The following TRIP12 variants were observed in gnomAD, a reference collection of about 807,000 sequenced individuals.
TRIP12 encodes E3 ubiquitin-protein ligase TRIP12.
Under a neutral mutation model 244.2 loss-of-function variants are expected in TRIP12, and 25 were observed. The observed-to-expected ratio is 0.10, with a 90% confidence interval of 0.07 to 0.14. The LOEUF (loss-of-function observed/expected upper bound fraction) is 0.14. TRIP12 is among the 10% of genes least tolerant of loss of function. The pLI is 1.00. For missense variants in TRIP12, 1,677 were observed against 2,486.4 expected (o/e 0.67, Z 6.92); for synonymous variants, 905 against 873.1 (o/e 1.04, Z -0.64).
At chr2:229,815,374 C>G in intron 9 of TRIP12, 66 bp from the exon 10 acceptor site, 1 of 943,678 alleles carries the variant, frequency 1.1e-6, no homozygotes, top group Non-Finnish European at 1.6e-6. Context: ...GTATTTCTTC[C>G]TCTTCTATTT....
intron 4 of TRIP12, 91 bp downstream of exon 4, chr2:229,858,681 G>T: frequency 8.7e-7 from 1 of 1,153,488 alleles, no homozygotes; most frequent in Non-Finnish European, 1.2e-6. Flanking sequence ...AGACTGGGGG[G>T]AAAAAACCCT....
intron 32 of TRIP12, among the ~76,000 whole-genome samples, chr2:229,788,301 C>T (rs1451986118): frequency 6.6e-6 from 1 of 152,040 alleles, no homozygotes; most frequent in Admixed American, 6.5e-5. Context: ...AAAATATGAC[C>T]ACCACCTTCA....
intron 21 of TRIP12, among the ~76,000 whole-genome samples, chr2:229,800,935 G>C (rs2044151423): frequency 6.6e-6 from 1 of 152,130 alleles, no homozygotes; most frequent in Non-Finnish European, 1.5e-5. Flanking sequence ...AAAAAAGGGA[G>C]AAAGGAAAAC....
intron 8 of TRIP12, among the ~76,000 whole-genome samples, chr2:229,824,009 CAT>C (rs1373450222): frequency 6.6e-6 from 1 of 151,910 alleles, no homozygotes; most frequent in Non-Finnish European, 1.5e-5. Context: ...TGTTGGCAAA[CAT>C]AAAAGAAAAC....
rs541132181 is a variant in TRIP12, at chr2:229,857,794, T to C, written c.1027+978A>G. Among the ~76,000 whole-genome samples the C allele has an allele frequency of 7.2e-5, 11 of 152,354 alleles. No homozygotes were observed. The South Asian group carries it at 2.3e-3, about 32-fold the overall frequency. ...TGAAGGAATGCACATAACGCTATGT[T>C]TCTTCCATCTACTTTCTGTTTCTTT... On this transcript the variant is annotated intron_variant, in intron 4 of 41. Transcript: ENST00000675903.
chr2:229,797,034 AG>A (rs1370528239), intron 24 of TRIP12, among the ~76,000 whole-genome samples: 1 of 152,176 alleles, frequency 6.6e-6, no homozygotes, highest in Non-Finnish European at 1.5e-5. Context: ...CAACCAATGT[AG>A]TTTTCTTTAA....
rs187805171 is a variant in TRIP12 at position 229,851,316 on chromosome 2, G to A, written c.1027+7456C>T. On this transcript the variant is annotated intron_variant, in intron 4 of 41. Transcript: ENST00000675903. ...CTCAGGGTTTGTGAATGCACCAATC[G>A]ACACTCTCTAGCTACTCTGGTGGAG... Among the ~76,000 whole-genome samples the A allele has an allele frequency of 1.1e-4, 17 of 152,100 alleles. No homozygotes were observed. The East Asian group carries it at 2.5e-3, about 22-fold the overall frequency.
At chr2:229,772,494 C>T (rs1289808294) in intron 38 of TRIP12, among the ~76,000 whole-genome samples, 2 of 152,208 alleles carry the variant, frequency 1.3e-5, no homozygotes, top group South Asian at 2.1e-4. Flanking sequence ...GACAGAGTCT[C>T]GCTCTGTCGC....
rs1298864132 is a variant in TRIP12 at position 229,798,906 on chromosome 2, C to T, written c.3451G>A (p.Ala1151Thr). The T allele has an allele frequency of 1.9e-6, 3 of 1,614,052 alleles. No individual in the cohort carries two copies. The highest frequency in any genetic ancestry group is 2.5e-6 in the Non-Finnish European group (3 of 1,180,028). Reference sequence around the variant, plus strand: ...TTGGAGATGGTATCCTTTGAGGCAGCCCTGGCAAGGCCACTACCTCCCGCA... The same window carrying T: ...TTGGAGATGGTATCCTTTGAGGCAGTCCTGGCAAGGCCACTACCTCCCGCA... Reference protein sequence around the residue: ...RTAGGSGLARAASKDTISNNR... With the variant: ...RTAGGSGLARTASKDTISNNR... The change falls in exon 23 of 42, where the codon GCT becomes ACT. Residue 1151 changes from alanine to threonine, a missense_variant. Transcript: ENST00000675903.
intron 37 of TRIP12, among the ~76,000 whole-genome samples, chr2:229,777,104 A>T (rs2036505520): frequency 6.6e-6 from 1 of 152,186 alleles, no homozygotes; most frequent in Non-Finnish European, 1.5e-5. Context: ...TTAGAATTGT[A>T]TTTGCTAATC....
At chr2:229,814,424 A>C (rs898000864) in intron 11 of TRIP12, 99 bp from the exon 12 acceptor site, 10 of 1,125,010 alleles carry the variant, frequency 8.9e-6, no homozygotes, top group Non-Finnish European at 1.2e-5. Flanking sequence ...CATGTATACT[A>C]TCTCTAACAT....
At chr2:229,850,865 G>C (rs984026620) in intron 4 of TRIP12, among the ~76,000 whole-genome samples, 1 of 152,254 alleles carries the variant, frequency 6.6e-6, no homozygotes, top group Admixed American at 6.5e-5. Flanking sequence ...ACCCGGGCCA[G>C]CGGCTGCGGA....
intron 2 of TRIP12, among the ~76,000 whole-genome samples, chr2:229,867,290 T>C (rs917186677): frequency 2.0e-5 from 3 of 151,396 alleles, no homozygotes; most frequent in Non-Finnish European, 4.4e-5. Flanking sequence ...CTCAGCCACC[T>C]GAGTAGCTAG....
intron 8 of TRIP12, among the ~76,000 whole-genome samples, chr2:229,819,261 G>A (rs2049345755): frequency 6.6e-6 from 1 of 152,100 alleles, no homozygotes; most frequent in South Asian, 2.1e-4. Context: ...AAAGTCTAGA[G>A]AGGCTGGGTG....
At chr2:229,772,589 G>A (rs750048882) in intron 38 of TRIP12, among the ~76,000 whole-genome samples, 4 of 151,834 alleles carry the variant, frequency 2.6e-5, no homozygotes, top group East Asian at 1.9e-4. Context: ...TCAGCCTCCC[G>A]AGTAGCTGGG....
Position 229,803,476 on chromosome 2 carries a change from A to C in TRIP12, c.2998+95T>G, listed in dbSNP as rs934708639. ...ACAGAGCTTTAAATGTCATTTTTAA[A>C]TTGAAAAGCTATCAGTTTTTGCTCG... On this transcript the variant is annotated intron_variant, in intron 20 of 41. Coordinates refer to ENST00000675903, the MANE Select transcript of TRIP12 (RefSeq NM_001348323.3). 3.9e-6 allele frequency: 3 copies of C among 759,832 alleles called. No homozygotes were observed. In the African/African-American group the frequency reaches 5.4e-5, roughly 14 times the overall value. 47.1% of individuals were successfully genotyped at this position (759,832 alleles called of 1,614,324 possible).
intron 34 of TRIP12, 83 bp downstream of exon 34, chr2:229,785,674 T>C: frequency 4.7e-6 from 6 of 1,289,858 alleles, no homozygotes; most frequent in Non-Finnish European, 6.5e-6. Context: ...TCTTTCAGAA[T>C]TTCATAGTAC....
intron 2 of TRIP12, among the ~76,000 whole-genome samples, chr2:229,872,250 G>C (rs1392292430): frequency 6.6e-6 from 1 of 151,682 alleles, no homozygotes; most frequent in Admixed American, 6.6e-5. Context: ...GCAACATAGC[G>C]AGACCCCCAT....
chr2:229,910,339 C>T lies in TRIP12; in HGVS notation c.-50+11541G>A, dbSNP rs1008642460. Among the ~76,000 whole-genome samples, 37 of 152,096 alleles carry T rather than the reference C, an allele frequency of 2.4e-4. 1 individual carries two copies. The highest frequency in any genetic ancestry group is 1.2e-3 in the South Asian group (6 of 4,822). ...TGTAATTATGAATCACCTTCATTTT[C>T]TTTTTTAGTAATAAGAAACAAAACC... is the stretch of plus-strand genomic sequence containing the variant. On this transcript the variant is annotated intron_variant, in intron 1 of 41. Coordinates refer to ENST00000675903, the MANE Select transcript of TRIP12 (RefSeq NM_001348323.3).
Sources: allele counts gnomAD v4.1 joint callset (sites outside exome capture counted in the v4.1 genomes callset), GRCh38; gene constraint gnomAD v4.1.1; transcripts MANE v1.5; gene names NCBI Gene and HGNC (gene_info 2026-07-23, HGNC 2026-07-21).